FHOD3: variants seen among roughly 807,000 people sequenced by gnomAD.
FHOD3 encodes the protein FH1/FH2 domain-containing protein 3.
In FHOD3, 90 loss-of-function variants were observed where a neutral mutation model predicts 173.0. The ratio of observed to expected loss-of-function variants is 0.52; its 90% confidence interval spans 0.44 to 0.62. The LOEUF is 0.62. Ranked by LOEUF, FHOD3 falls within the 20% of genes least tolerant of loss-of-function variation. The probability of loss-of-function intolerance (pLI) is 0.00; values close to 1 mark genes in which losing one functional copy is unlikely to be tolerated. For synonymous variants in FHOD3, 828 were observed against 823.0 expected (o/e 1.01, Z -0.10); for missense variants, 1,945 against 2,034.7 (o/e 0.96, Z 0.85).
At position 36,418,862 on chromosome 18, in the gene FHOD3, C is replaced by T. The variant is rs138478522; in HGVS notation, c.337+46118C>T. ...CCGGGAGGCAGAGGTTGCAATGAGC[C>T]GAGATCGCGCCATTGCACTCCAGCC... On this transcript the variant is annotated intron_variant, in intron 3 of 28. Coordinates refer to ENST00000590592, the MANE Select transcript of FHOD3 (RefSeq NM_001281740.3). 2.6e-3 allele frequency among the ~76,000 whole-genome samples: 399 copies of T among 152,080 alleles called. 5 individuals are homozygous for T. Among genetic ancestry groups the T allele is most frequent in the Admixed American group, 0.017 (262 of 15,250 alleles).
intron 4 of FHOD3, among the ~76,000 whole-genome samples, chr18:36,502,403 C>G (rs184830726): frequency 2.0e-5 from 3 of 152,170 alleles, no homozygotes; most frequent in African/African-American, 4.8e-5. Context: ...TCCCTAGCCC[C>G]CTACCCACTG....
intron 10 of FHOD3, among the ~76,000 whole-genome samples, chr18:36,636,132 C>G (rs942430070): frequency 1.5e-4 from 23 of 152,194 alleles, no homozygotes; most frequent in African/African-American, 5.3e-4. Flanking sequence ...AACCCCACAT[C>G]TCCTGTAAGA....
chr18:36,425,976 C>T (rs923011864), intron 3 of FHOD3, among the ~76,000 whole-genome samples: 1 of 151,784 alleles, frequency 6.6e-6, no homozygotes, highest in Non-Finnish European at 1.5e-5. Flanking sequence ...TCTTGGCTCA[C>T]TGCAAGCTCT....
At chr18:36,650,668 C>T (rs2035987445) in intron 11 of FHOD3, among the ~76,000 whole-genome samples, 2 of 152,322 alleles carry the variant, frequency 1.3e-5, no homozygotes, top group South Asian at 4.1e-4. Context: ...ATCACTGAAA[C>T]AGGGATATGC....
chr18:36,760,051 T>C (rs1281642412), intron 26 of FHOD3, among the ~76,000 whole-genome samples: 5 of 152,204 alleles, frequency 3.3e-5, no homozygotes, highest in African/African-American at 1.2e-4. Flanking sequence ...GGCCTCAGTT[T>C]CCTTTTCCAT....
At chr18:36,506,698 G>A (rs747100595) in intron 4 of FHOD3, among the ~76,000 whole-genome samples, 36 of 152,324 alleles carry the variant, frequency 2.4e-4, no homozygotes, top group Admixed American at 8.5e-4. Flanking sequence ...TAACACTGTA[G>A]AAAAAGTGCC....
chr18:36,681,030 G>A (rs1384903758), intron 14 of FHOD3, among the ~76,000 whole-genome samples: 1 of 152,152 alleles, frequency 6.6e-6, no homozygotes, highest in Non-Finnish European at 1.5e-5. Flanking sequence ...AATAATGAAT[G>A]TATTACCTGA....
chr18:36,463,909 CT>C (rs1016768498), intron 3 of FHOD3, among the ~76,000 whole-genome samples: 42 of 152,186 alleles, frequency 2.8e-4, no homozygotes, highest in African/African-American at 8.7e-4. Flanking sequence ...TTCTTTAAAA[CT>C]TTTTTTTCTT....
At chr18:36,368,313 G>A (rs137871854) in intron 2 of FHOD3, among the ~76,000 whole-genome samples, 118 of 152,292 alleles carry the variant, frequency 7.7e-4, no homozygotes, top group African/African-American at 2.7e-3. Flanking sequence ...GTATGTATGA[G>A]TTCAGAAAAT....
At chr18:36,656,933 G>A (rs552028688) in intron 13 of FHOD3, among the ~76,000 whole-genome samples, 79 of 152,222 alleles carry the variant, frequency 5.2e-4, no homozygotes, top group African/African-American at 1.7e-3. Flanking sequence ...AAAGAAAAAA[G>A]ATAAATAATG....
chr18:36,327,053 G>A (rs1004081852), intron 1 of FHOD3, among the ~76,000 whole-genome samples: 3 of 152,198 alleles, frequency 2.0e-5, no homozygotes, highest in African/African-American at 7.2e-5. Context: ...TCTCTGTAAA[G>A]TACGTCATGA....
intron 10 of FHOD3, among the ~76,000 whole-genome samples, chr18:36,638,243 GAA>G (rs1462103634): frequency 6.6e-6 from 1 of 152,332 alleles, no homozygotes; most frequent in African/African-American, 2.4e-5. Context: ...AAGAGTAAGA[GAA>G]GAGCTCCCCA....
intron 3 of FHOD3, among the ~76,000 whole-genome samples, chr18:36,460,798 G>A (rs2052503148): frequency 6.6e-6 from 1 of 152,170 alleles, no homozygotes; most frequent in Non-Finnish European, 1.5e-5. Context: ...TGTGTCAGAG[G>A]GTTGTTGAGA....
At chr18:36,426,799 A>G (rs1346056099) in intron 3 of FHOD3, among the ~76,000 whole-genome samples, 2 of 152,214 alleles carry the variant, frequency 1.3e-5, no homozygotes, top group African/African-American at 2.4e-5. Flanking sequence ...AGTCTTTACA[A>G]TCCTTCTGTG....
At chr18:36,464,955 A>G (rs903125113) in intron 3 of FHOD3, among the ~76,000 whole-genome samples, 1 of 152,216 alleles carries the variant, frequency 6.6e-6, no homozygotes, top group African/African-American at 2.4e-5. Flanking sequence ...ACACGCAGGC[A>G]AACTGCCATG....
chr18:36,335,603 G>A (rs756530420), intron 1 of FHOD3, among the ~76,000 whole-genome samples: 9 of 152,158 alleles, frequency 5.9e-5, no homozygotes, highest in Admixed American at 2.0e-4. Flanking sequence ...CCCATGGGCC[G>A]CAGGTTGGAC....
intron 5 of FHOD3, among the ~76,000 whole-genome samples, chr18:36,558,625 A>G (rs1029385116): frequency 1.3e-5 from 2 of 152,226 alleles, no homozygotes; most frequent in African/African-American, 2.4e-5. Flanking sequence ...TCTGTACAGC[A>G]TTATTTGTAA....
chr18:36,313,232 G>A (rs887914408), intron 1 of FHOD3, among the ~76,000 whole-genome samples: 20 of 152,184 alleles, frequency 1.3e-4, no homozygotes, highest in Non-Finnish European at 4.4e-5. Context: ...TCAAGGGCAA[G>A]GGGGAATTAG....
At chr18:36,683,822 A>G (rs1000952204) in intron 15 of FHOD3, among the ~76,000 whole-genome samples, 2 of 152,198 alleles carry the variant, frequency 1.3e-5, no homozygotes. Context: ...TCCTCTGACC[A>G]TAAGAGCTAT....
Sources: allele counts gnomAD v4.1 joint callset (sites outside exome capture counted in the v4.1 genomes callset), GRCh38; gene constraint gnomAD v4.1.1; transcripts MANE v1.5; gene names NCBI Gene and HGNC (gene_info 2026-07-23, HGNC 2026-07-21).